JAKMIP3: variants seen among roughly 807,000 people sequenced by gnomAD.
JAKMIP3 encodes janus kinase and microtubule-interacting protein 3.
Under a neutral mutation model 118.5 loss-of-function variants are expected in JAKMIP3, and 58 were observed. The ratio of observed to expected loss-of-function variants is 0.49; its 90% CI spans 0.40 to 0.61. The LOEUF is 0.61. Among genes scored for constraint, JAKMIP3 ranks in the 20% least tolerant of loss-of-function variants. JAKMIP3 has a pLI of 0.00. For synonymous variants in JAKMIP3, 486 were observed against 451.2 expected, an observed-to-expected ratio of 1.08 and a Z score of -0.98; for missense variants, 950 against 1,109.0, an observed-to-expected ratio of 0.86 and a Z score of 2.04.
At position 132,118,566 on chromosome 10, in the gene JAKMIP3, C is replaced by A. The variant is rs1217991242; in HGVS notation, c.633+992C>A. Among the ~76,000 whole-genome samples, 2 of 152,200 alleles carry A rather than the reference C, an allele frequency of 1.3e-5. No individual in the cohort carries two copies. The highest frequency in any genetic ancestry group is 2.9e-5 in the Non-Finnish European group (2 of 68,024). On this transcript the variant is annotated intron_variant, in intron 3 of 23. Transcript: ENST00000684848. The surrounding 1 kb of genome is among the most constrained non-coding windows in gnomAD (Gnocchi z 4.8). Reference sequence around the variant, plus strand: ...AGGGATGGCCTCCAGGCTGGGCCAGCATGTGGAACTCCCAGAGAGGGGCAG... The same window carrying A: ...AGGGATGGCCTCCAGGCTGGGCCAGAATGTGGAACTCCCAGAGAGGGGCAG...
chr10:132,136,945 C>T, intron 6 of JAKMIP3, 74 bp from the exon 7 acceptor site: 1 of 1,523,268 alleles, frequency 6.6e-7, no homozygotes. Context: ...GGAGAAGACC[C>T]CCCCGCCGAC....
chr10:132,094,471 C>A (rs2043572103), intron 1 of JAKMIP3, among the ~76,000 whole-genome samples: 1 of 152,102 alleles, frequency 6.6e-6, no homozygotes, highest in African/African-American at 2.4e-5. Flanking sequence ...TAGGGCTCTG[C>A]TCCTTTTCCT....
chr10:132,141,896 T>C, intron 10 of JAKMIP3, 24 bp from the exon 11 acceptor site: 1 of 1,584,334 alleles, frequency 6.3e-7, no homozygotes, highest in Non-Finnish European at 8.6e-7. Context: ...TCTCTGTGCG[T>C]GTGTGGCATC....
At chr10:132,104,419 T>C (rs993965112) in intron 1 of JAKMIP3, among the ~76,000 whole-genome samples, 6 of 152,202 alleles carry the variant, frequency 3.9e-5, no homozygotes, top group Non-Finnish European at 7.3e-5. Flanking sequence ...AATTCACCCG[T>C]GCTGAGTGTT....
At chr10:132,061,828 CAG>C (rs1249119971), upstream of JAKMIP3, among the ~76,000 whole-genome samples, 10 of 152,234 alleles carry the variant, frequency 6.6e-5, no homozygotes, top group South Asian at 1.7e-3. Flanking sequence ...AAACATAAAA[CAG>C]AGGAAAACAT....
At position 132,104,866 on chromosome 10, in the gene JAKMIP3, G is replaced by A. The variant is rs751095579; in HGVS notation, c.58G>A (p.Ala20Thr). ...GGGGGACAAGGCAGAGGCCCTCGCG[G>A]CGCTGCAGGCGGCCAACGAGGATCT... ...AKGDKAEALA[A>T]LQAANEDLRA... Residue 20 changes from alanine to threonine, a missense_variant, in exon 2 of 24, where the codon GCG (alanine) becomes ACG (threonine). Coordinates refer to ENST00000684848, the MANE Select transcript of JAKMIP3 (RefSeq NM_001323087.2). 5.1e-6 allele frequency: 8 copies of A among 1,562,500 alleles called. No individual in the cohort carries two copies. The African/African-American group carries it at 9.5e-5, about 19-fold the overall frequency.
At chr10:132,107,655 C>T (rs1182523363) in intron 2 of JAKMIP3, among the ~76,000 whole-genome samples, 1 of 152,234 alleles carries the variant, frequency 6.6e-6, no homozygotes, top group Non-Finnish European at 1.5e-5. Flanking sequence ...GCTGGATGCA[C>T]AGGCAGCAAC....
intron 19 of JAKMIP3, among the ~76,000 whole-genome samples, chr10:132,161,178 T>TG (rs1554956110): frequency 3.9e-3 from 20 of 5,156 alleles, no homozygotes; most frequent in Admixed American, 0.012. Flanking sequence ...TGTGTGATGC[T>TG]GGGGGGTCTC....
rs746236549 is a variant in JAKMIP3, at chr10:132,142,067, G to GCT, written c.1602+20_1602+21insTC. The GCT allele has an allele frequency of 6.3e-7, 1 of 1,592,698 alleles. No homozygotes were observed. The highest frequency in any genetic ancestry group is 1.7e-5 in the Admixed American group (1 of 57,980). The stretch of plus-strand genomic sequence containing the variant: ...AGTTAAGGTCTACGTGACTTCCACC[G>GCT]CGCGTTCCGGCCCCCCTCGTGCCTT... On this transcript the variant is annotated intron_variant, in intron 11 of 23. Transcript: ENST00000684848.
chr10:132,140,636 C>A (rs948489914), intron 10 of JAKMIP3, 57 bp downstream of exon 10: 12 of 1,235,356 alleles, frequency 9.7e-6, no homozygotes, highest in Non-Finnish European at 1.3e-5. Context: ...GGGTCTCCTG[C>A]CGGGTCCTGG....
chr10:132,148,426 TGAGGAG>T (rs2055091656), intron 14 of JAKMIP3, among the ~76,000 whole-genome samples: 1 of 151,460 alleles, frequency 6.6e-6, no homozygotes, highest in Non-Finnish European at 1.5e-5. Flanking sequence ...ACCTGTGGGG[TGAGGAG>T]CTGGCACGTC....
At chr10:132,120,527 A>G (rs2048372905) in intron 3 of JAKMIP3, among the ~76,000 whole-genome samples, 1 of 152,218 alleles carries the variant, frequency 6.6e-6, no homozygotes, top group African/African-American at 2.4e-5. Context: ...CTATCTGTCT[A>G]TATCCTGGTT....
chr10:132,109,189 A>G (rs2046460417), intron 2 of JAKMIP3, among the ~76,000 whole-genome samples: 1 of 151,582 alleles, frequency 6.6e-6, no homozygotes. Flanking sequence ...GGTGGCACTC[A>G]CCTGTAGTCT....
intron 19 of JAKMIP3, among the ~76,000 whole-genome samples, chr10:132,156,811 T>A (rs935162515): frequency 6.6e-6 from 1 of 152,186 alleles, no homozygotes; most frequent in Non-Finnish European, 1.5e-5. Flanking sequence ...CGGAGGTTTT[T>A]AAATCCAGCC....
chr10:132,052,736 C>A (rs1223356560), intron 1 of JAKMIP3, among the ~76,000 whole-genome samples: 3 of 152,064 alleles, frequency 2.0e-5, no homozygotes, highest in Non-Finnish European at 4.4e-5. Context: ...TCTTTTTATT[C>A]AAATTTGGTA....
intron 1 of JAKMIP3, among the ~76,000 whole-genome samples, chr10:132,095,413 G>A (rs1293868359): frequency 2.0e-5 from 3 of 152,116 alleles, no homozygotes; most frequent in East Asian, 1.9e-4. Context: ...TGCTTCCTCC[G>A]CCCCTGTATT....
intron 1 of JAKMIP3, among the ~76,000 whole-genome samples, chr10:132,096,580 G>A (rs2043889584): frequency 6.6e-6 from 1 of 152,294 alleles, no homozygotes; most frequent in Admixed American, 6.5e-5. Context: ...GGTAAATACA[G>A]GTGCAAGATT....
At chr10:132,100,833 C>CCGGCCGCG (rs1365799327) in intron 1 of JAKMIP3, among the ~76,000 whole-genome samples, 110 of 126,682 alleles carry the variant, frequency 8.7e-4, no homozygotes, top group Non-Finnish European at 1.1e-3. Context: ...ATGAGGAACC[C>CCGGCCGCG]CTGCCGCGCT....
rs534438968 is a variant in JAKMIP3, at chr10:132,184,096, T to A, written c.*2843T>A. On this transcript the variant is annotated 3_prime_UTR_variant, in exon 24 of 24. Transcript: ENST00000684848. The stretch of plus-strand genomic sequence containing the variant: ...TTACATTATATTAACATCATCACAC[T>A]CTGTGTTCAACACACAGAACAACAT... The A allele has an allele frequency of 1.5e-4, 22 of 150,344 alleles. No individual in the cohort carries two copies. The highest frequency in any genetic ancestry group is 5.3e-4 in the African/African-American group (22 of 41,388). The allele number at this position is 150,344 out of a possible 1,614,324, so 9.3% of individuals were successfully genotyped here.
Sources: allele counts gnomAD v4.1 joint callset (sites outside exome capture counted in the v4.1 genomes callset), GRCh38; gene constraint gnomAD v4.1.1; non-coding constraint Gnocchi (gnomAD v3.1); transcripts MANE v1.5; gene names NCBI Gene and HGNC (gene_info 2026-07-23, HGNC 2026-07-21).